Variants in SLC18A1 observed in about 807,000 individuals in gnomAD.
The protein encoded by SLC18A1 is chromaffin granule amine transporter.
A neutral mutation model predicts 53.7 loss-of-function variants in SLC18A1; 69 were observed. The observed-to-expected ratio is 1.28, with a 90% confidence interval of 1.06 to 1.57. SLC18A1 has a LOEUF of 1.57. Among genes scored for constraint, SLC18A1 ranks in the 40% most tolerant of loss-of-function variants. The probability of loss-of-function intolerance (pLI) is 0.00; values close to 1 mark genes in which losing one functional copy is unlikely to be tolerated. For missense variants in SLC18A1, 932 were observed against 668.1 expected (o/e 1.40, Z -4.35); for synonymous variants, 320 against 248.1 (o/e 1.29, Z -2.72).
chr8:20,151,000 C>T (rs781441429), intron 10 of SLC18A1: 24 of 433,820 alleles, frequency 5.5e-5, no homozygotes, highest in Admixed American at 2.1e-4. Flanking sequence ...GAGACAGGGC[C>T]TCACTCTGTC....
Position 20,171,708 on chromosome 8 carries a change from G to A in SLC18A1, c.725-214C>T, listed in dbSNP as rs573340907. 9.0e-4 allele frequency among the ~76,000 whole-genome samples: 136 copies of A among 151,752 alleles called. 1 individual carries two copies. The South Asian group carries it at 0.016, about 18-fold the overall frequency. ...TGTGTGTGTGTGTGTGTGTGTGCGC[G>A]CGCGTGTGTGTATGTATGTGTGTGT... On this transcript the variant is annotated intron_variant, in intron 6 of 15. Transcript: ENST00000276373.
At chr8:20,172,690 G>T (rs1226609542) in intron 6 of SLC18A1, among the ~76,000 whole-genome samples, 1 of 152,066 alleles carries the variant, frequency 6.6e-6, no homozygotes. Context: ...ATTCCTGGTG[G>T]TGAGGAATAA....
At chr8:20,182,246 C>T (rs1396230505) in intron 1 of SLC18A1, among the ~76,000 whole-genome samples, 2 of 152,060 alleles carry the variant, frequency 1.3e-5, no homozygotes, top group Admixed American at 6.5e-5. Flanking sequence ...GAGATGCAGC[C>T]AAAGACTTAT....
At chr8:20,169,185 C>T (rs2072048235) in intron 8 of SLC18A1, among the ~76,000 whole-genome samples, 1 of 151,998 alleles carries the variant, frequency 6.6e-6, no homozygotes, top group Non-Finnish European at 1.5e-5. Flanking sequence ...ATCAGACAAA[C>T]CAAATTTAGG....
intron 15 of SLC18A1, among the ~76,000 whole-genome samples, chr8:20,146,371 G>A (rs1207485127): frequency 6.6e-6 from 1 of 152,080 alleles, no homozygotes; most frequent in Admixed American, 6.5e-5. Flanking sequence ...ACCCTTGTCA[G>A]GACAAGTATC....
chr8:20,148,603 G>A (rs1456295347), intron 12 of SLC18A1: 1 of 525,866 alleles, frequency 1.9e-6, no homozygotes, highest in Non-Finnish European at 3.4e-6. Context: ...TGGGTCCCCT[G>A]TCAGGAAGCT....
chr8:20,169,458 TA>T (rs35242639), intron 8 of SLC18A1, among the ~76,000 whole-genome samples: 7 of 151,346 alleles, frequency 4.6e-5, no homozygotes, highest in African/African-American at 1.5e-4. Context: ...TGACATTACA[TA>T]AAAAAAAATC....
intron 4 of SLC18A1, 125 bp downstream of exon 4, chr8:20,178,310 A>G (rs1257890766): frequency 2.5e-5 from 18 of 711,044 alleles, no homozygotes; most frequent in East Asian, 5.4e-5. Flanking sequence ...ATTTAAACCA[A>G]TATTCCAGTC....
At chr8:20,150,789 C>T (rs2071533483) in intron 10 of SLC18A1, 45 bp from the exon 11 acceptor site, 2 of 1,530,274 alleles carry the variant, frequency 1.3e-6, no homozygotes, top group African/African-American at 1.4e-5. Context: ...GTCCAATTTA[C>T]TCTAAAATGC....
intron 10 of SLC18A1, among the ~76,000 whole-genome samples, chr8:20,156,059 C>G (rs1169860931): frequency 1.3e-5 from 2 of 152,180 alleles, no homozygotes; most frequent in African/African-American, 2.4e-5. Flanking sequence ...AACTGATGAC[C>G]CAGTACTTTA....
chr8:20,175,126 A>G (rs1198145881), intron 4 of SLC18A1, among the ~76,000 whole-genome samples: 2 of 152,232 alleles, frequency 1.3e-5, no homozygotes, highest in African/African-American at 2.4e-5. Context: ...CTGAGATCCA[A>G]CAGGAATATG....
chr8:20,148,038 A>C lies in SLC18A1; in HGVS notation c.1179T>G (p.Ile393Met), dbSNP rs1319800396. 1.2e-6 allele frequency: 2 copies of C among 1,614,018 alleles called. No individual in the cohort carries two copies. The highest frequency in any genetic ancestry group is 1.7e-6 in the Non-Finnish European group (2 of 1,180,022). Residue 393 changes from isoleucine to methionine, a missense_variant, in exon 13 of 16, where the codon ATT (isoleucine) becomes ATG (methionine). By Grantham distance (10) the Ile-to-Met change is conservative (BLOSUM62 1). Coordinates refer to ENST00000276373, the MANE Select transcript of SLC18A1 (RefSeq NM_003053.4). ...CAAGGCCAAGCCCTGCATTGGGGCC[A>C]ATGAGACCAAAAATATTGTGAGCCA... is the stretch of plus-strand genomic sequence containing the variant. ...VPLAHNIFGLIGPNAGLGLAI... is the reference protein window; with the variant it reads ...VPLAHNIFGLMGPNAGLGLAI...
At chr8:20,173,960 A>C (rs1752345047) in intron 5 of SLC18A1, among the ~76,000 whole-genome samples, 1 of 150,734 alleles carries the variant, frequency 6.6e-6, no homozygotes, top group South Asian at 2.1e-4. Context: ...GCAGAGGCAC[A>C]ATCATGGCTC....
chr8:20,164,613 T>A (rs2071906136), intron 10 of SLC18A1, among the ~76,000 whole-genome samples: 1 of 152,176 alleles, frequency 6.6e-6, no homozygotes, highest in African/African-American at 2.4e-5. Context: ...ATCTTTGGAC[T>A]GGAAATCATT....
At chr8:20,164,789 CT>C (rs1338550315) in intron 10 of SLC18A1, 79 bp downstream of exon 10, 8 of 1,057,656 alleles carry the variant, frequency 7.6e-6, no homozygotes, top group South Asian at 6.0e-5. Flanking sequence ...CATGTTGTCC[CT>C]GTGTGACATT....
At chr8:20,172,111 G>A (rs190871172) in intron 6 of SLC18A1, among the ~76,000 whole-genome samples, 10 of 152,330 alleles carry the variant, frequency 6.6e-5, no homozygotes, top group African/African-American at 2.2e-4. Context: ...AGGCAGCATC[G>A]TGGTGGAAGG....
chr8:20,149,574 C>A, intron 12 of SLC18A1, 102 bp downstream of exon 12: 1 of 770,540 alleles, frequency 1.3e-6, no homozygotes. Flanking sequence ...CTGTGTCTTT[C>A]TCTCTCTCTC....
In SLC18A1 at chr8:20,145,838, C is replaced by T. The variant is rs2071381948; in HGVS notation, c.1503G>A (p.Met501Ile). Residue 501 changes from methionine (M) to isoleucine (I), a missense_variant, in exon 16 of 16, where the codon ATG becomes ATA. By Grantham distance (10) the Met-to-Ile change is conservative. Coordinates refer to ENST00000276373, the MANE Select transcript of SLC18A1 (RefSeq NM_003053.4). ...CCTTCGTGGGCTTCTGGGTTGCATA[C>T]ATCCGGGTCTCCATGGGGCAGTCCT... ...LSQDCPMETR[M>I]YATQKPTKEF... The T allele has an allele frequency of 6.2e-7, 1 of 1,611,916 alleles. No homozygotes were observed.
Position 20,145,492 on chromosome 8 carries a change from C to G in SLC18A1, c.*271G>C, listed in dbSNP as rs2071371298. 3.4e-6 allele frequency: 1 copy of G among 293,890 alleles called. No individual in the cohort carries two copies. Among genetic ancestry groups the G allele is most frequent in the Admixed American group, 5.2e-5 (1 of 19,212 alleles). The allele number at this position is 293,890 out of a possible 1,614,324, so 18.2% of individuals were successfully genotyped here. On this transcript the variant is annotated 3_prime_UTR_variant, in exon 16 of 16. Transcript: ENST00000276373. ...ACCCCTTGCAGAACCCGTCACAGCT[C>G]AAGTTTAATCAACCTCACAGCAGCG...
Sources: gnomAD v4.1 joint callset for allele counts (sites outside exome capture counted in the v4.1 genomes callset) on GRCh38, gnomAD v4.1.1 for gene constraint, MANE v1.5 for transcripts, NCBI Gene and HGNC (gene_info 2026-07-23, HGNC 2026-07-21) for gene names.